NR3C2: variants seen among roughly 807,000 people sequenced by gnomAD.
NR3C2 encodes the protein mineralocorticoid receptor.
Under a neutral mutation model 86.4 loss-of-function variants are expected in NR3C2, and 15 were observed. The ratio of observed to expected loss-of-function variants is 0.17; its 90% CI spans 0.12 to 0.27. NR3C2 has a LOEUF of 0.27. Among genes scored for constraint, NR3C2 ranks in the 10% least tolerant of loss-of-function variants. The pLI is 1.00. For synonymous variants in NR3C2, 458 were observed against 450.5 expected (o/e 1.02, Z -0.21); for missense variants, 960 against 1,195.6 (o/e 0.80, Z 2.91).
At chr4:148,427,895 A>G (rs1319345708) in intron 2 of NR3C2, among the ~76,000 whole-genome samples, 1 of 152,188 alleles carries the variant, frequency 6.6e-6, no homozygotes, top group Non-Finnish European at 1.5e-5. Context: ...TTAGGACAGT[A>G]ACAGTATGTA....
At chr4:148,145,321 G>A (rs533495503) in intron 6 of NR3C2, among the ~76,000 whole-genome samples, 5 of 152,252 alleles carry the variant, frequency 3.3e-5, no homozygotes, top group East Asian at 3.9e-4. Flanking sequence ...CAGGCCACCC[G>A]GCATGCGGAC....
In NR3C2 at chr4:148,425,091, A is replaced by C. The variant is rs1375001789; in HGVS notation, c.1757+10013T>G. ...AAGTCAAAACAATTTTTTTTGCTGA[A>C]CTCAGTAGAACTCTGTCATTTAATA... is the stretch of plus-strand genomic sequence containing the variant. On this transcript the variant is annotated intron_variant, in intron 2 of 8. Coordinates refer to ENST00000358102, the MANE Select transcript of NR3C2 (RefSeq NM_000901.5). Among the ~76,000 whole-genome samples, 3 of 152,118 alleles carry C rather than the reference A, an allele frequency of 2.0e-5. No homozygotes were observed. The East Asian group carries it at 5.8e-4, about 29-fold the overall frequency.
At chr4:148,105,081 A>G (rs144808231) in intron 8 of NR3C2, among the ~76,000 whole-genome samples, 56 of 152,314 alleles carry the variant, frequency 3.7e-4, no homozygotes, top group Non-Finnish European at 7.2e-4. Flanking sequence ...TCTCCCTCTA[A>G]GTCCCCTCTA....
chr4:148,388,199 T>C (rs72656900), intron 2 of NR3C2, among the ~76,000 whole-genome samples: 38 of 152,294 alleles, frequency 2.5e-4, no homozygotes, highest in African/African-American at 7.7e-4. Context: ...TCAATAAAAA[T>C]CCAGTATTTT....
At chr4:148,238,840 G>A (rs777204124) in intron 3 of NR3C2, among the ~76,000 whole-genome samples, 24 of 152,164 alleles carry the variant, frequency 1.6e-4, no homozygotes, top group Non-Finnish European at 2.8e-4. Flanking sequence ...CCTAAGATAG[G>A]GCAAATTCAG....
intron 3 of NR3C2, among the ~76,000 whole-genome samples, chr4:148,226,033 T>C (rs1272996695): frequency 6.6e-6 from 1 of 152,180 alleles, no homozygotes; most frequent in Non-Finnish European, 1.5e-5. Context: ...CTAAGATATG[T>C]GTAATCAGAA....
chr4:148,415,312 G>A (rs1382130020), intron 2 of NR3C2, among the ~76,000 whole-genome samples: 10 of 152,200 alleles, frequency 6.6e-5, no homozygotes, highest in Admixed American at 6.5e-4. Flanking sequence ...CATTAATATA[G>A]AGGAGAAATA....
upstream of NR3C2, among the ~76,000 whole-genome samples, chr4:148,443,548 C>T (rs1340406067): frequency 1.3e-5 from 2 of 152,076 alleles, no homozygotes; most frequent in Non-Finnish European, 2.9e-5. Context: ...ATTCTCCTCC[C>T]GCCCACCCAA....
At chr4:148,089,783 C>T (rs1170693201) in intron 8 of NR3C2, among the ~76,000 whole-genome samples, 2 of 152,254 alleles carry the variant, frequency 1.3e-5, no homozygotes, top group Non-Finnish European at 2.9e-5. Context: ...AGATGTGCCA[C>T]CATGAGTCAG....
At chr4:148,315,104 G>T (rs183812754) in intron 2 of NR3C2, among the ~76,000 whole-genome samples, 8 of 152,278 alleles carry the variant, frequency 5.3e-5, no homozygotes, top group Admixed American at 2.0e-4. Context: ...TATGTCATGG[G>T]ACCAGAATAG....
At chr4:148,359,712 C>T (rs1225968429) in intron 2 of NR3C2, among the ~76,000 whole-genome samples, 1 of 152,152 alleles carries the variant, frequency 6.6e-6, no homozygotes, top group East Asian at 1.9e-4. Flanking sequence ...CTTTGAGAAA[C>T]ACGTGCAAGC....
At chr4:148,407,752 TAGG>T (rs1748493787) in intron 2 of NR3C2, among the ~76,000 whole-genome samples, 1 of 152,180 alleles carries the variant, frequency 6.6e-6, no homozygotes, top group South Asian at 2.1e-4. Flanking sequence ...TTACATTAGT[TAGG>T]AGTTCTTTTA....
At chr4:148,383,701 C>A (rs543987010) in intron 2 of NR3C2, among the ~76,000 whole-genome samples, 1 of 151,996 alleles carries the variant, frequency 6.6e-6, no homozygotes, top group South Asian at 2.1e-4. Context: ...ACCTGTAATC[C>A]CAGCACTTTG....
intron 2 of NR3C2, among the ~76,000 whole-genome samples, chr4:148,337,097 G>A (rs1744532018): frequency 6.6e-6 from 1 of 152,074 alleles, no homozygotes; most frequent in Non-Finnish European, 1.5e-5. Flanking sequence ...ACCCAGCCAC[G>A]AAGTTTTCAT....
At chr4:148,172,527 A>T (rs557355110) in intron 4 of NR3C2, among the ~76,000 whole-genome samples, 1 of 152,360 alleles carries the variant, frequency 6.6e-6, no homozygotes, top group South Asian at 2.1e-4. Flanking sequence ...AAACTTTGTT[A>T]AAATACCATC....
rs1175463219 is a variant in NR3C2, at chr4:148,239,278, C to A, written c.1897+20700G>T. ...GATGTATCAGCAACATTATTAAATG[C>A]CATGGGCCTTTCTCTTAAGGCCAGG... On this transcript the variant is annotated intron_variant, in intron 3 of 8. Transcript: ENST00000358102. Among the ~76,000 whole-genome samples, 4 of 152,192 alleles carry A rather than the reference C, an allele frequency of 2.6e-5. No individual in the cohort carries two copies. The South Asian group carries it at 6.2e-4, about 24-fold the overall frequency.
At chr4:148,092,168 A>G (rs750464836) in intron 8 of NR3C2, among the ~76,000 whole-genome samples, 6 of 151,996 alleles carry the variant, frequency 3.9e-5, no homozygotes, top group Non-Finnish European at 8.8e-5. Flanking sequence ...CTCTGCAGTC[A>G]CCTCTTCCCC....
chr4:148,155,571 T>A (rs1309288644), intron 4 of NR3C2, among the ~76,000 whole-genome samples: 3 of 152,066 alleles, frequency 2.0e-5, no homozygotes, highest in African/African-American at 7.2e-5. Flanking sequence ...GTGAAGGACC[T>A]CTTCAAGGAG....
chr4:148,343,929 T>C (rs980278788), intron 2 of NR3C2, among the ~76,000 whole-genome samples: 2 of 152,114 alleles, frequency 1.3e-5, no homozygotes, highest in African/African-American at 2.4e-5. Flanking sequence ...CTGAGGCCAG[T>C]TGTATTACTG....
Sources: gnomAD v4.1 joint callset for allele counts (sites outside exome capture counted in the v4.1 genomes callset) on GRCh38, gnomAD v4.1.1 for gene constraint, MANE v1.5 for transcripts, NCBI Gene and HGNC (gene_info 2026-07-23, HGNC 2026-07-21) for gene names.